ANKFY1: variants seen among roughly 807,000 people sequenced by gnomAD.
ANKFY1 encodes the protein ankyrin repeat and FYVE domain-containing protein 1.
A neutral mutation model predicts 128.3 loss-of-function variants in ANKFY1; 47 were observed. The ratio of observed to expected loss-of-function variants is 0.37; its 90% CI spans 0.29 to 0.47. ANKFY1 has a LOEUF of 0.47. ANKFY1 is among the 20% of genes least tolerant of loss of function. ANKFY1 has a pLI of 1.00. For missense variants in ANKFY1, 1,222 were observed against 1,510.6 expected (o/e 0.81, Z 3.17); for synonymous variants, 553 against 601.6 (o/e 0.92, Z 1.18).
At chr17:4,201,207 A>G (rs2059921750) in intron 7 of ANKFY1, among the ~76,000 whole-genome samples, 1 of 152,026 alleles carries the variant, frequency 6.6e-6, no homozygotes, top group African/African-American at 2.4e-5. Flanking sequence ...ATTTGAAAAT[A>G]TTTTTGTAGA....
chr17:4,172,090 G>C (rs375624824), intron 22 of ANKFY1, among the ~76,000 whole-genome samples: 3 of 152,188 alleles, frequency 2.0e-5, no homozygotes, highest in Non-Finnish European at 4.4e-5. Flanking sequence ...CGGGTACCCA[G>C]AGCAACCATG....
intron 3 of ANKFY1, among the ~76,000 whole-genome samples, chr17:4,218,740 T>A (rs1320799006): frequency 6.6e-6 from 1 of 152,166 alleles, no homozygotes; most frequent in Admixed American, 6.5e-5. Flanking sequence ...ATGCCATTAG[T>A]GGCGGCATGT....
intron 3 of ANKFY1, chr17:4,222,680 C>T (rs760257010): frequency 1.1e-4 from 96 of 862,752 alleles, no homozygotes; most frequent in Admixed American, 1.8e-4. Context: ...GGCCCTGACA[C>T]GCAGCTCCAA....
At chr17:4,261,319 T>C (rs1187671296) in intron 1 of ANKFY1, among the ~76,000 whole-genome samples, 1 of 152,090 alleles carries the variant, frequency 6.6e-6, no homozygotes, top group Non-Finnish European at 1.5e-5. Flanking sequence ...TGAAACCCCA[T>C]CTCTACAAAA....
chr17:4,226,349 C>T (rs1382484499), intron 3 of ANKFY1, among the ~76,000 whole-genome samples: 4 of 152,116 alleles, frequency 2.6e-5, no homozygotes, highest in Non-Finnish European at 5.9e-5. Flanking sequence ...CAGTGAGACC[C>T]TGTCTCTACA....
At chr17:4,187,031 G>GTA in intron 11 of ANKFY1, 1 of 1,227,166 alleles carries the variant, frequency 8.1e-7, no homozygotes, top group African/African-American at 1.6e-5. Flanking sequence ...TGTCTTTGGG[G>GTA]TACAGGTGGT....
intron 2 of ANKFY1, among the ~76,000 whole-genome samples, chr17:4,239,335 G>A (rs1967080954): frequency 6.6e-6 from 1 of 151,952 alleles, no homozygotes; most frequent in Non-Finnish European, 1.5e-5. Flanking sequence ...AAGAAACAAA[G>A]TTTTCACTTG....
intron 6 of ANKFY1, 87 bp downstream of exon 6, chr17:4,207,846 G>C: frequency 7.4e-7 from 1 of 1,350,598 alleles, no homozygotes; most frequent in Non-Finnish European, 9.9e-7. Flanking sequence ...GCCAGTCATG[G>C]CTCGGAAGGA....
intron 18 of ANKFY1, chr17:4,177,771 C>G (rs1304187287): frequency 6.5e-6 from 1 of 154,004 alleles, no homozygotes; most frequent in Non-Finnish European, 1.4e-5. Context: ...GGTTGAGAAA[C>G]GTGGAGAAAG....
In ANKFY1 at chr17:4,244,710, G is replaced by A. The variant is rs556837139; in HGVS notation, c.11-2262C>T. On this transcript the variant is annotated intron_variant, in intron 1 of 24. Coordinates refer to ENST00000341657, the MANE Select transcript of ANKFY1 (RefSeq NM_001330063.2). ...TTCCCATCTCCCCTTTGCTTCCTCAGAAAGGGTATCTCCTTCCTACCCAAG... is the reference window on the plus strand; with the variant it reads ...TTCCCATCTCCCCTTTGCTTCCTCAAAAAGGGTATCTCCTTCCTACCCAAG... 6.2e-4 allele frequency among the ~76,000 whole-genome samples: 94 copies of A among 152,118 alleles called. 1 individual carries two copies. The highest frequency in any genetic ancestry group is 1.9e-4 in the Non-Finnish European group (13 of 67,986).
At chr17:4,200,203 A>G (rs1188533777) in intron 7 of ANKFY1, among the ~76,000 whole-genome samples, 1 of 152,040 alleles carries the variant, frequency 6.6e-6, no homozygotes, top group Non-Finnish European at 1.5e-5. Context: ...CTGGGACTAC[A>G]GGTGCACGCC....
chr17:4,223,706 T>C, intron 3 of ANKFY1: 1 of 1,601,684 alleles, frequency 6.2e-7, no homozygotes, highest in Non-Finnish European at 8.6e-7. Context: ...GCCAATCAAC[T>C]GTCCTGATGA....
intron 2 of ANKFY1, among the ~76,000 whole-genome samples, chr17:4,238,831 C>T (rs1028884597): frequency 9.9e-5 from 15 of 151,834 alleles, no homozygotes; most frequent in Non-Finnish European, 2.1e-4. Flanking sequence ...ACGACCTCAG[C>T]TCACTGCAAC....
At position 4,214,493 on chromosome 17, in the gene ANKFY1, GA is replaced by G. The variant is rs570943298; in HGVS notation, c.458+2489del. Among the ~76,000 whole-genome samples, 229 of 150,998 alleles carry G rather than the reference GA, an allele frequency of 1.5e-3. 1 individual carries two copies. Among genetic ancestry groups the G allele is most frequent in the African/African-American group, 5.2e-3 (213 of 41,174 alleles). On this transcript the variant is annotated intron_variant, in intron 4 of 24. Coordinates refer to ENST00000341657, the MANE Select transcript of ANKFY1 (RefSeq NM_001330063.2). Reference sequence around the variant, plus strand: ...ATTTTTAACTTTAGAGTACAGAAAGGACACAGAGATACAAAAACGATAAACC... The same window carrying G: ...ATTTTTAACTTTAGAGTACAGAAAGGCACAGAGATACAAAAACGATAAACC...
At chr17:4,214,488 G>A (rs1316386300) in intron 4 of ANKFY1, among the ~76,000 whole-genome samples, 1 of 150,236 alleles carries the variant, frequency 6.7e-6, no homozygotes, top group African/African-American at 2.5e-5. Context: ...TTAGAGTACA[G>A]AAAGGACACA....
rs1299441630 is a variant in ANKFY1 at position 4,179,029 on chromosome 17, A to C, written c.2426T>G (p.Val809Gly). 6.2e-7 allele frequency: 1 copy of C among 1,614,202 alleles called. No homozygotes were observed. Among genetic ancestry groups the C allele is most frequent in the South Asian group, 1.1e-5 (1 of 91,084 alleles). ...GACACCGTGTTGGCTGCTGATGGCC[A>C]CGTGGATGGGGGTTCTTCCTTCTGC... Reference protein sequence around the residue: ...QDAEGRTPIHVAISSQHGVII... With the variant: ...QDAEGRTPIHGAISSQHGVII... Residue 809 changes from valine (V) to glycine (G), a missense_variant, in exon 18 of 25, where the codon GTG becomes GGG. Coordinates refer to ENST00000341657, the MANE Select transcript of ANKFY1 (RefSeq NM_001330063.2).
intron 3 of ANKFY1, among the ~76,000 whole-genome samples, chr17:4,234,739 G>A (rs1000406103): frequency 6.6e-6 from 1 of 152,026 alleles, no homozygotes; most frequent in South Asian, 2.1e-4. Flanking sequence ...AATTCCCTGG[G>A]CTCAAGTGAT....
chr17:4,255,762 G>A lies in ANKFY1; in HGVS notation c.10+8170C>T, dbSNP rs528010155. ...TTCCCAGAAAATACTATCTTCCTTG[G>A]CATCAGATTAGAAAAGCTCTTCACT... On this transcript the variant is annotated intron_variant, in intron 1 of 24. Transcript: ENST00000341657. Among the ~76,000 whole-genome samples the A allele has an allele frequency of 1.4e-3, 207 of 151,536 alleles. 1 individual carries two copies. Among genetic ancestry groups the A allele is most frequent in the African/African-American group, 4.7e-3 (194 of 41,294 alleles).
chr17:4,216,136 T>C (rs2060217181), intron 4 of ANKFY1, among the ~76,000 whole-genome samples: 2 of 152,238 alleles, frequency 1.3e-5, no homozygotes, highest in South Asian at 2.1e-4. Context: ...TGAGCCCTCC[T>C]GGGAAAACAC....
Sources: allele counts gnomAD v4.1 joint callset (sites outside exome capture counted in the v4.1 genomes callset), GRCh38; gene constraint gnomAD v4.1.1; transcripts MANE v1.5; gene names NCBI Gene and HGNC (gene_info 2026-07-23, HGNC 2026-07-21).